GFRAL: variants seen among roughly 807,000 people sequenced by gnomAD.
GFRAL encodes GDNF family receptor alpha like.
A neutral mutation model predicts 45.4 loss-of-function variants in GFRAL; 36 were observed. The observed-to-expected ratio is 0.79, with a 90% CI of 0.61 to 1.05. The LOEUF is 1.05. GFRAL is among the 50% of genes least tolerant of loss of function. The pLI, the probability that GFRAL is intolerant of heterozygous loss-of-function variation, is 0.00. For synonymous variants in GFRAL, 166 were observed against 154.1 expected (o/e 1.08, Z -0.57); for missense variants, 507 against 467.5 (o/e 1.08, Z -0.78).
chr6:55,397,815 T>C (rs932886610), intron 6 of GFRAL, among the ~76,000 whole-genome samples: 3 of 152,206 alleles, frequency 2.0e-5, no homozygotes, highest in African/African-American at 7.2e-5. Context: ...GTCATGTACC[T>C]CGTAAGGACA....
At chr6:55,400,304 C>T (rs1296811718) in intron 8 of GFRAL, among the ~76,000 whole-genome samples, 5 of 152,034 alleles carry the variant, frequency 3.3e-5, no homozygotes, top group Non-Finnish European at 7.4e-5. Flanking sequence ...AGTACATACA[C>T]AAATTATATC....
intron 1 of GFRAL, among the ~76,000 whole-genome samples, chr6:55,330,699 G>A (rs1290810060): frequency 6.6e-6 from 1 of 152,082 alleles, no homozygotes; most frequent in Non-Finnish European, 1.5e-5. Context: ...GAATATGAGA[G>A]CCCTGATATG....
At chr6:55,335,224 G>A (rs1263318472) in intron 3 of GFRAL, among the ~76,000 whole-genome samples, 1 of 152,094 alleles carries the variant, frequency 6.6e-6, no homozygotes, top group East Asian at 1.9e-4. Flanking sequence ...TAATTATAAT[G>A]TTAAGCATAT....
chr6:55,360,492 C>A (rs1430553500), intron 6 of GFRAL, among the ~76,000 whole-genome samples: 1 of 151,866 alleles, frequency 6.6e-6, no homozygotes, highest in Non-Finnish European at 1.5e-5. Context: ...TTAGGAGATG[C>A]ACATTAGCCA....
intron 6 of GFRAL, among the ~76,000 whole-genome samples, chr6:55,396,053 T>C (rs12190531): frequency 0.26 from 40,051 of 152,086 alleles, 6,601 homozygotes; most frequent in Admixed American, 0.42. Context: ...TTTAATTTCA[T>C]GGTTATAAAA....
At chr6:55,336,571 T>G (rs1048817845) in intron 3 of GFRAL, among the ~76,000 whole-genome samples, 1 of 152,212 alleles carries the variant, frequency 6.6e-6, no homozygotes, top group East Asian at 1.9e-4. Context: ...ATACAATTAA[T>G]TTTTCTATAT....
intron 3 of GFRAL, among the ~76,000 whole-genome samples, chr6:55,348,787 G>A (rs1456824640): frequency 1.3e-5 from 2 of 152,042 alleles, no homozygotes; most frequent in African/African-American, 4.8e-5. Context: ...TATGAATGTA[G>A]GGGTAATGAG....
intron 3 of GFRAL, among the ~76,000 whole-genome samples, chr6:55,339,910 A>G (rs1237043694): frequency 6.6e-6 from 1 of 152,244 alleles, no homozygotes; most frequent in Non-Finnish European, 1.5e-5. Flanking sequence ...ATCAGTTTAC[A>G]TACTAAAACT....
chr6:55,396,401 T>C (rs1036824738), intron 6 of GFRAL, among the ~76,000 whole-genome samples: 3 of 152,138 alleles, frequency 2.0e-5, no homozygotes, highest in African/African-American at 7.2e-5. Flanking sequence ...AAAATAATAC[T>C]TTTTTCTTCT....
chr6:55,359,272 G>C, intron 6 of GFRAL, 134 bp downstream of exon 6: 1 of 673,044 alleles, frequency 1.5e-6, no homozygotes, highest in Non-Finnish European at 2.4e-6. Context: ...TATTGCATTT[G>C]AAAATTTGCT....
chr6:55,339,203 A>G (rs558184685), intron 3 of GFRAL, among the ~76,000 whole-genome samples: 3 of 152,314 alleles, frequency 2.0e-5, no homozygotes, highest in African/African-American at 7.2e-5. Flanking sequence ...GCTTGGGACA[A>G]GGGGATTGCT....
chr6:55,368,138 T>C (rs1217276278), intron 6 of GFRAL, among the ~76,000 whole-genome samples: 2 of 150,478 alleles, frequency 1.3e-5, no homozygotes, highest in Admixed American at 6.6e-5. Context: ...GCTTTGCTCA[T>C]TTCTTTTTAT....
intron 6 of GFRAL, among the ~76,000 whole-genome samples, chr6:55,370,003 C>G (rs1200684218): frequency 6.6e-6 from 1 of 152,046 alleles, no homozygotes; most frequent in African/African-American, 2.4e-5. Flanking sequence ...GGAACTGGAC[C>G]CTACTATGTG....
At chr6:55,366,505 C>A (rs1768366199) in intron 6 of GFRAL, among the ~76,000 whole-genome samples, 1 of 145,092 alleles carries the variant, frequency 6.9e-6, no homozygotes, top group Admixed American at 6.8e-5. Flanking sequence ...TTTGCTCTTG[C>A]TTTTCTAGTT....
intron 6 of GFRAL, among the ~76,000 whole-genome samples, chr6:55,359,438 G>C (rs1054832958): frequency 6.6e-6 from 1 of 151,972 alleles, no homozygotes; most frequent in Non-Finnish European, 1.5e-5. Flanking sequence ...GATATATCAA[G>C]TATCAATTGC....
At chr6:55,345,835 A>G (rs1246368214) in intron 3 of GFRAL, among the ~76,000 whole-genome samples, 1 of 152,238 alleles carries the variant, frequency 6.6e-6, no homozygotes, top group Non-Finnish European at 1.5e-5. Context: ...AAAGAACTCA[A>G]ACAAATTTAC....
chr6:55,329,215 G>T (rs188763167), intron 1 of GFRAL, among the ~76,000 whole-genome samples: 433 of 152,098 alleles, frequency 2.8e-3, no homozygotes, highest in Non-Finnish European at 5.0e-3. Flanking sequence ...TTTCTTAGTT[G>T]AGTCAATATT....
chr6:55,339,436 A>G (rs189371107), intron 3 of GFRAL, among the ~76,000 whole-genome samples: 1 of 152,334 alleles, frequency 6.6e-6, no homozygotes, highest in Admixed American at 6.5e-5. Context: ...AGAGAAATCT[A>G]AAACAGAGAT....
chr6:55,362,639 G>A (rs944565557), intron 6 of GFRAL, among the ~76,000 whole-genome samples: 3 of 152,014 alleles, frequency 2.0e-5, no homozygotes, highest in Non-Finnish European at 2.9e-5. Context: ...CCATCAACAC[G>A]GGAAGGATTA....
Sources: allele counts gnomAD v4.1 joint callset (sites outside exome capture counted in the v4.1 genomes callset), GRCh38; gene constraint gnomAD v4.1.1; transcripts MANE v1.5; gene names NCBI Gene and HGNC (gene_info 2026-07-23, HGNC 2026-07-21).